The following CFAP57 variants were observed in gnomAD, a reference collection of about 807,000 sequenced individuals.
CFAP57 encodes cilia- and flagella-associated protein 57.
Under a neutral mutation model 146.8 loss-of-function variants are expected in CFAP57, and 116 were observed. The ratio of observed to expected loss-of-function variants is 0.79; its 90% CI spans 0.68 to 0.92. The LOEUF (loss-of-function observed/expected upper bound fraction) is 0.92, where lower values mean the gene tolerates loss of function less well. CFAP57 is among the 40% of genes least tolerant of loss of function. CFAP57 has a pLI of 0.00. For missense variants in CFAP57, 1,377 were observed against 1,527.2 expected, an observed-to-expected ratio of 0.90 and a Z score of 1.64; for synonymous variants, 518 against 552.8, an observed-to-expected ratio of 0.94 and a Z score of 0.88.
At chr1:43,172,995 A>C (rs1645036377) in intron 2 of CFAP57, 85 bp downstream of exon 2, 1 of 1,346,814 alleles carries the variant, frequency 7.4e-7, no homozygotes, top group Non-Finnish European at 1.1e-6. Context: ...TTGGAAAGAA[A>C]GATTTTGGCC....
At chr1:43,219,128 TA>T (rs1644948628) in intron 12 of CFAP57, among the ~76,000 whole-genome samples, 1 of 152,160 alleles carries the variant, frequency 6.6e-6, no homozygotes, top group African/African-American at 2.4e-5. Flanking sequence ...AGGAGATGCT[TA>T]AGCCGACTTG....
intron 2 of CFAP57, among the ~76,000 whole-genome samples, chr1:43,181,055 C>T (rs1645384818): frequency 1.3e-5 from 2 of 152,206 alleles, no homozygotes; most frequent in South Asian, 4.2e-4. Context: ...CCTCCCACCT[C>T]ATCCTCCAAG....
Position 43,172,720 on chromosome 1 carries a change from C to T in CFAP57, c.-19-15C>T, listed in dbSNP as rs1303482517. On this transcript the variant is annotated splice_polypyrimidine_tract_variant and intron_variant, in intron 1 of 22. Coordinates refer to ENST00000372492, the MANE Select transcript of CFAP57 (RefSeq NM_001378189.1). The stretch of plus-strand genomic sequence containing the variant: ...GGTGCTCTCCACTCTGAAGCGCTGC[C>T]TTGGTCTTCAGCAGAACTGTTTGGC... 1 of 1,613,180 alleles carries T rather than the reference C, an allele frequency of 6.2e-7. No homozygotes were observed. The highest frequency in any genetic ancestry group is 8.5e-7 in the Non-Finnish European group (1 of 1,179,922).
intron 9 of CFAP57, among the ~76,000 whole-genome samples, chr1:43,204,763 CAG>C (rs1644286302): frequency 6.6e-6 from 1 of 152,162 alleles, no homozygotes; most frequent in African/African-American, 2.4e-5. Context: ...TATCACAGTT[CAG>C]AGAGTGATGG....
chr1:43,243,321 T>C lies in CFAP57; in HGVS notation c.3500T>C (p.Leu1167Pro). ...QVYDLEAALK[L>P]TKKVRPQEVS... ...TATGACCTTGAAGCAGCTCTGAAAC[T>C]GACCAAGAAAGTCCGACCACAAGAA... Residue 1167 changes from leucine (L) to proline (P), a missense_variant, in exon 22 of 23, where the codon CTG (leucine) becomes CCG (proline). Physicochemically the swap from Leu to Pro is moderately conservative, Grantham distance 98 (BLOSUM62 -3). Coordinates refer to ENST00000372492, the MANE Select transcript of CFAP57 (RefSeq NM_001378189.1). 6.5e-7 allele frequency: 1 copy of C among 1,541,072 alleles called. No individual in the cohort carries two copies. The highest frequency in any genetic ancestry group is 8.8e-7 in the Non-Finnish European group (1 of 1,141,320).
chr1:43,218,329 G>A (rs929693954), intron 12 of CFAP57, among the ~76,000 whole-genome samples: 22 of 152,286 alleles, frequency 1.4e-4, no homozygotes, highest in African/African-American at 4.3e-4. Flanking sequence ...GGCCGGGTGC[G>A]GTGGCTCAGT....
intron 22 of CFAP57, among the ~76,000 whole-genome samples, chr1:43,243,590 G>A (rs546216947): frequency 2.0e-5 from 3 of 152,270 alleles, no homozygotes; most frequent in South Asian, 2.1e-4. Context: ...GTTAGCTACC[G>A]TTCAGAATGC....
chr1:43,237,456 T>A lies in CFAP57; in HGVS notation c.3405+2818T>A, dbSNP rs79197941. Among the ~76,000 whole-genome samples, 403 of 152,316 alleles carry A rather than the reference T, an allele frequency of 2.6e-3. 3 individuals are homozygous for A. Among genetic ancestry groups the A allele is most frequent in the African/African-American group, 9.4e-3 (389 of 41,562 alleles). ...AAGATGAACGTGATAGTGTTCCTAC[T>A]CTCAAGGAGTTAATCATTGGGAACC... On this transcript the variant is annotated intron_variant, in intron 21 of 22. Transcript: ENST00000372492.
chr1:43,183,780 CT>C lies in CFAP57; in HGVS notation c.665del (p.Leu222ProfsTer13). 1 of 1,614,230 alleles carries C rather than the reference CT, an allele frequency of 6.2e-7. No homozygotes were observed. Among genetic ancestry groups the C allele is most frequent in the Non-Finnish European group, 8.5e-7 (1 of 1,180,038 alleles). ...TGGCACTGACACAGGCAAACTCTTC[CT>C]CTTTGAATCTGGAGATCAGCGTTGG... is the stretch of plus-strand genomic sequence containing the variant. ...VVGTDTGKLFLFESGDQRWET... is the reference protein window; with the variant it reads ...VVGTDTGKLFXFESGDQRWET... On this transcript the variant is annotated frameshift_variant, in exon 4 of 23. Coordinates refer to ENST00000372492, the MANE Select transcript of CFAP57 (RefSeq NM_001378189.1). LOFTEE classifies it high-confidence loss of function.
intron 21 of CFAP57, 79 bp downstream of exon 21, chr1:43,234,717 C>T: frequency 6.8e-7 from 1 of 1,464,422 alleles, no homozygotes; most frequent in Non-Finnish European, 9.1e-7. Flanking sequence ...CCCTCTGAGA[C>T]CACCTGTCTT....
At chr1:43,248,705 T>C (rs1457682947) in intron 22 of CFAP57, among the ~76,000 whole-genome samples, 1 of 152,124 alleles carries the variant, frequency 6.6e-6, no homozygotes, top group Non-Finnish European at 1.5e-5. Context: ...ACTAATAACA[T>C]CTTTTGGCCC....
intron 13 of CFAP57, among the ~76,000 whole-genome samples, chr1:43,220,166 T>C (rs1327670595): frequency 1.3e-5 from 2 of 152,192 alleles, no homozygotes; most frequent in East Asian, 3.8e-4. Flanking sequence ...TAATTTAAAT[T>C]TTGTTTTACA....
chr1:43,185,033 G>T (rs1460771851), intron 4 of CFAP57, 116 bp from the exon 5 acceptor site: 2 of 1,107,298 alleles, frequency 1.8e-6, no homozygotes, highest in Non-Finnish European at 1.4e-6. Flanking sequence ...TGTGGAAAAG[G>T]GGATCATTGG....
Position 43,181,536 on chromosome 1 carries a change from T to G in CFAP57, c.160T>G (p.Ser54Ala). The change falls in exon 3 of 23, where the codon TCA (serine) becomes GCA (alanine). Residue 54 changes from serine to alanine, a missense_variant and splice_region_variant. By Grantham distance (99) the Ser-to-Ala change is moderately conservative. Coordinates refer to ENST00000372492, the MANE Select transcript of CFAP57 (RefSeq NM_001378189.1). ...TTTCCTTTTTCCTCTGTTTGCAGGCTCAGAGAAGAGTCAGGGCATGTTGGC... is the reference window on the plus strand; with the variant it reads ...TTTCCTTTTTCCTCTGTTTGCAGGCGCAGAGAAGAGTCAGGGCATGTTGGC... ...DQKWQKFIPGSEKSQGMLALS... is the reference protein window; with the variant it reads ...DQKWQKFIPGAEKSQGMLALS... 6.2e-7 allele frequency: 1 copy of G among 1,614,158 alleles called. No homozygotes were observed. The highest frequency in any genetic ancestry group is 8.5e-7 in the Non-Finnish European group (1 of 1,180,036).
At chr1:43,193,874 C>G (rs1389039496) in intron 6 of CFAP57, among the ~76,000 whole-genome samples, 1 of 152,102 alleles carries the variant, frequency 6.6e-6, no homozygotes, top group African/African-American at 2.4e-5. Context: ...TTTCTTTAAT[C>G]TGGTACACAT....
chr1:43,189,015 C>G (rs1643332839), intron 6 of CFAP57, among the ~76,000 whole-genome samples: 1 of 152,186 alleles, frequency 6.6e-6, no homozygotes, highest in Non-Finnish European at 1.5e-5. Context: ...AAAGGCTAGT[C>G]TTTCTCCATT....
intron 10 of CFAP57, among the ~76,000 whole-genome samples, chr1:43,208,185 A>C (rs678955): frequency 0.082 from 12,423 of 152,132 alleles, 806 homozygotes; most frequent in African/African-American, 0.18. Context: ...AATAGGAATA[A>C]TTTTACACTG....
chr1:43,246,496 CT>C lies in CFAP57; in HGVS notation c.3538+3139del, dbSNP rs1339452982. Among the ~76,000 whole-genome samples the C allele has an allele frequency of 3.9e-5, 6 of 152,264 alleles. No homozygotes were observed. In the East Asian group the frequency reaches 1.2e-3, roughly 29 times the overall value. ...ACATACAAAAGAATTAAGGTAGACA[CT>C]TACCTTACACCATATACAACAATTA... On this transcript the variant is annotated intron_variant, in intron 22 of 22. Coordinates refer to ENST00000372492, the MANE Select transcript of CFAP57 (RefSeq NM_001378189.1).
chr1:43,172,768 A>AGCTCAGAC lies in CFAP57; in HGVS notation c.19_26dup (p.His10ArgfsTer33). Reference sequence around the variant, plus strand: ...GGCGGGAGATCATGTCAGCCGTGGTAGCTCAGACGCTGCATGTTTTTGGTC... The same window carrying AGCTCAGAC: ...GGCGGGAGATCATGTCAGCCGTGGTAGCTCAGACGCTCAGACGCTGCATGTTTTTGGTC... On this transcript the variant is annotated frameshift_variant, in exon 2 of 23. Transcript: ENST00000372492. LOFTEE classifies it high-confidence loss of function. 2 of 1,614,104 alleles carry AGCTCAGAC rather than the reference A, an allele frequency of 1.2e-6. No individual in the cohort carries two copies. The highest frequency in any genetic ancestry group is 1.7e-6 in the Non-Finnish European group (2 of 1,180,000).
Sources: gnomAD v4.1 joint callset for allele counts (sites outside exome capture counted in the v4.1 genomes callset) on GRCh38, gnomAD v4.1.1 for gene constraint, MANE v1.5 for transcripts, NCBI Gene and HGNC (gene_info 2026-07-23, HGNC 2026-07-21) for gene names.